The following NTNG1 variants were observed in gnomAD, a reference collection of about 807,000 sequenced individuals.
NTNG1 encodes the protein netrin G1.
Under a neutral mutation model 54.0 loss-of-function variants are expected in NTNG1, and 16 were observed. The observed-to-expected ratio is 0.30, with a 90% CI of 0.20 to 0.45. The LOEUF is 0.45. Ranked by LOEUF, NTNG1 falls within the 20% of genes least tolerant of loss-of-function variation. The pLI is 1.00. For missense variants in NTNG1, 530 were observed against 678.7 expected (o/e 0.78, Z 2.43); for synonymous variants, 255 against 263.1 (o/e 0.97, Z 0.30).
intron 3 of NTNG1, among the ~76,000 whole-genome samples, chr1:107,386,320 C>G (rs1671997950): frequency 6.6e-6 from 1 of 151,856 alleles, no homozygotes; most frequent in South Asian, 2.1e-4. Context: ...CAGGCGCCCG[C>G]CACCAGGCCC....
chr1:107,429,490 T>G (rs995405136), intron 5 of NTNG1, among the ~76,000 whole-genome samples: 16 of 152,146 alleles, frequency 1.1e-4, no homozygotes, highest in African/African-American at 3.6e-4. Flanking sequence ...CCTAGCCAAG[T>G]TCCTGACACA....
At chr1:107,418,532 A>G (rs1175561170) in intron 5 of NTNG1, 2 of 1,332,464 alleles carry the variant, frequency 1.5e-6, no homozygotes, top group Non-Finnish European at 2.1e-6. Flanking sequence ...AGACCAAATG[A>G]CATTATAGCT....
chr1:107,247,381 G>A (rs1662275116), intron 2 of NTNG1, among the ~76,000 whole-genome samples: 1 of 152,222 alleles, frequency 6.6e-6, no homozygotes, highest in Non-Finnish European at 1.5e-5. Context: ...ACAGAGCTTG[G>A]AGTTAGATAG....
Position 107,239,095 on chromosome 1 carries a change from G to A in NTNG1, c.247-85187G>A, listed in dbSNP as rs117503787. On this transcript the variant is annotated intron_variant, in intron 2 of 7. Coordinates refer to ENST00000370068, the MANE Select transcript of NTNG1 (RefSeq NM_001113226.3). Reference sequence around the variant, plus strand: ...AGAAAGTGCTATGAAATCACAAGTCGGGGAGCAAATATAATGCCTAGGATT... The same window carrying A: ...AGAAAGTGCTATGAAATCACAAGTCAGGGAGCAAATATAATGCCTAGGATT... 1.3e-4 allele frequency among the ~76,000 whole-genome samples: 20 copies of A among 152,166 alleles called. No individual in the cohort carries two copies. The East Asian group carries it at 2.7e-3, about 21-fold the overall frequency.
rs1678816394 is a variant in NTNG1, at chr1:107,482,917, C to G, written c.*2077C>G. 1 of 152,144 alleles carries G rather than the reference C, an allele frequency of 6.6e-6. No homozygotes were observed. Among genetic ancestry groups the G allele is most frequent in the Admixed American group, 6.5e-5 (1 of 15,276 alleles). The allele number at this position is 152,144 out of a possible 1,614,324, so 9.4% of individuals were successfully genotyped here. On this transcript the variant is annotated 3_prime_UTR_variant, in exon 8 of 8. Transcript: ENST00000370068. ...GTCTATTGAATGTTTGTTATTCAAA[C>G]CAACAGTCTCTTTTGATGTAAGAAA...
chr1:107,436,560 C>T (rs1675608447), intron 6 of NTNG1, 105 bp from the exon 7 acceptor site: 2 of 913,084 alleles, frequency 2.2e-6, no homozygotes, highest in African/African-American at 1.7e-5. Context: ...TAATGGACAT[C>T]TTTCTTTAAG....
chr1:107,369,348 C>T (rs1388710429), intron 3 of NTNG1, among the ~76,000 whole-genome samples: 5 of 152,120 alleles, frequency 3.3e-5, no homozygotes, highest in Non-Finnish European at 5.9e-5. Flanking sequence ...AGTTATAATA[C>T]GTTACATTCG....
chr1:107,151,158 T>C (rs896363199), intron 2 of NTNG1, among the ~76,000 whole-genome samples: 1 of 152,232 alleles, frequency 6.6e-6, no homozygotes, highest in Non-Finnish European at 1.5e-5. Context: ...ATAACAAATT[T>C]AATAATCTAT....
At chr1:107,476,068 C>G (rs1381913696) in intron 7 of NTNG1, among the ~76,000 whole-genome samples, 1 of 152,180 alleles carries the variant, frequency 6.6e-6, no homozygotes. Flanking sequence ...GTTTATTTTG[C>G]ATATTTCATT....
chr1:107,190,876 G>A (rs7552249), intron 2 of NTNG1, among the ~76,000 whole-genome samples: 4,870 of 152,120 alleles, frequency 0.032, 224 homozygotes, highest in African/African-American at 0.11. Context: ...GAATAGTGCC[G>A]CTATAAACAT....
At chr1:107,225,622 T>G (rs190766764) in intron 2 of NTNG1, among the ~76,000 whole-genome samples, 13 of 152,290 alleles carry the variant, frequency 8.5e-5, no homozygotes, top group African/African-American at 3.1e-4. Context: ...GCTGAACACC[T>G]GTTAGCAGAG....
chr1:107,222,799 CTT>C (rs113401472), intron 2 of NTNG1, among the ~76,000 whole-genome samples: 46 of 109,038 alleles, frequency 4.2e-4, no homozygotes, highest in African/African-American at 1.1e-3. Flanking sequence ...ACCAGTGCTG[CTT>C]TTTTTTTTTT....
chr1:107,141,893 A>C (rs1191891250), intron 1 of NTNG1, among the ~76,000 whole-genome samples: 1 of 152,212 alleles, frequency 6.6e-6, no homozygotes, highest in Non-Finnish European at 1.5e-5. Context: ...AAGCAAACAA[A>C]AAAAACAAAA....
intron 2 of NTNG1, among the ~76,000 whole-genome samples, chr1:107,287,146 G>A (rs1665251861): frequency 6.6e-6 from 1 of 152,110 alleles, no homozygotes; most frequent in African/African-American, 2.4e-5. Flanking sequence ...AGAATAGGGT[G>A]TTCTAGCTGT....
chr1:107,235,714 C>G (rs772678187), intron 2 of NTNG1, among the ~76,000 whole-genome samples: 5 of 152,248 alleles, frequency 3.3e-5, no homozygotes, highest in Admixed American at 2.6e-4. Flanking sequence ...ATCCCTTTAG[C>G]CTGCCAATCT....
At position 107,445,823 on chromosome 1, in the gene NTNG1, C is replaced by G. The variant is rs368643692; in HGVS notation, c.1390+9024C>G. On this transcript the variant is annotated intron_variant, in intron 7 of 7. Coordinates refer to ENST00000370068, the MANE Select transcript of NTNG1 (RefSeq NM_001113226.3). ...ACAACGCTTAAATGAAAGAGTGTAG[C>G]TGTGTTCCGGTAAAACTTTTTTTAT... Among the ~76,000 whole-genome samples, 12 of 152,052 alleles carry G rather than the reference C, an allele frequency of 7.9e-5. No homozygotes were observed. The East Asian group carries it at 1.9e-3, about 25-fold the overall frequency.
intron 2 of NTNG1, among the ~76,000 whole-genome samples, chr1:107,152,017 C>CAT (rs1198452902): frequency 1.3e-5 from 2 of 151,320 alleles, no homozygotes; most frequent in East Asian, 3.9e-4. Flanking sequence ...TATACACACA[C>CAT]ATACATATAT....
chr1:107,255,788 G>A (rs968872205), intron 2 of NTNG1, among the ~76,000 whole-genome samples: 18 of 152,186 alleles, frequency 1.2e-4, no homozygotes, highest in Admixed American at 2.6e-4. Context: ...GAAATAGCCT[G>A]GAATCTTGAA....
At chr1:107,371,645 T>C (rs1187004484) in intron 3 of NTNG1, among the ~76,000 whole-genome samples, 1 of 151,944 alleles carries the variant, frequency 6.6e-6, no homozygotes. Context: ...CAAGGCCAAA[T>C]TCACTAGAAT....
Sources: gnomAD v4.1 joint callset for allele counts (sites outside exome capture counted in the v4.1 genomes callset) on GRCh38, gnomAD v4.1.1 for gene constraint, MANE v1.5 for transcripts, NCBI Gene and HGNC (gene_info 2026-07-23, HGNC 2026-07-21) for gene names.